The following GPC1 variants were observed in gnomAD, a reference collection of about 807,000 sequenced individuals.
GPC1 encodes the protein glypican 1, also known as glypican-1.
In GPC1, 26 loss-of-function variants were observed where a neutral mutation model predicts 51.5. The observed-to-expected ratio is 0.50, with a 90% CI of 0.37 to 0.70. The LOEUF (loss-of-function observed/expected upper bound fraction) is 0.70. GPC1 is among the 30% of genes least tolerant of loss of function. The probability of loss-of-function intolerance (pLI) is 0.00; values close to 1 mark genes in which losing one functional copy is unlikely to be tolerated. For synonymous variants in GPC1, 380 were observed against 348.3 expected, an observed-to-expected ratio of 1.09 and a Z score of -1.01; for missense variants, 775 against 800.5, an observed-to-expected ratio of 0.97 and a Z score of 0.38.
In GPC1 at chr2:240,466,243, C is replaced by T. The variant is rs2074260893; in HGVS notation, c.1630C>T (p.Leu544Phe). The T allele has an allele frequency of 1.2e-6, 2 of 1,611,486 alleles. No homozygotes were observed. Among genetic ancestry groups the T allele is most frequent in the East Asian group, 2.2e-5 (1 of 44,878 alleles). Reference protein sequence around the residue: ...CPQPPTFLLPLLLFLALTVAR... With the variant: ...CPQPPTFLLPFLLFLALTVAR... ...CCAGCCCCCGACCTTCCTCCTGCCCCTCCTCCTCTTCCTGGCCCTTACAGT... is the reference window on the plus strand; with the variant it reads ...CCAGCCCCCGACCTTCCTCCTGCCCTTCCTCCTCTTCCTGGCCCTTACAGT... The change falls in exon 9 of 9, where the codon CTC becomes TTC. Residue 544 changes from leucine (L) to phenylalanine (F), a missense_variant. Physicochemically the swap from Leu to Phe is conservative, Grantham distance 22. Coordinates refer to ENST00000264039, the MANE Select transcript of GPC1 (RefSeq NM_002081.3).
intron 1 of GPC1, among the ~76,000 whole-genome samples, chr2:240,445,491 C>T (rs897541528): frequency 1.3e-5 from 2 of 152,066 alleles, no homozygotes; most frequent in African/African-American, 4.8e-5. Context: ...GGCAGAACCA[C>T]GCCAGGGGAA....
chr2:240,453,705 G>A (rs1479534934), intron 1 of GPC1, among the ~76,000 whole-genome samples: 2 of 146,954 alleles, frequency 1.4e-5, no homozygotes, highest in Non-Finnish European at 3.0e-5. Flanking sequence ...TCGCCGGGCC[G>A]CCGGCGCTGC....
At chr2:240,449,719 C>T in intron 1 of GPC1, 2 of 413,482 alleles carry the variant, frequency 4.8e-6, no homozygotes, top group South Asian at 1.7e-5. Flanking sequence ...CATTTCCCCT[C>T]TCCACCGCCC....
In GPC1 at chr2:240,464,868, T is replaced by C; in HGVS notation, c.1027T>C (p.Cys343Arg). ...DTLTAKVIQG[C>R]GNPKVNPQGP... ...AGTGTCTCTCCAGGTCATCCAGGGC[T>C]GCGGGAACCCCAAGGTCAACCCCCA... Residue 343 changes from cysteine (C) to arginine (R), a missense_variant, in exon 6 of 9, where the codon TGC becomes CGC. Cys to Arg is a radical substitution (Grantham distance 180). Coordinates refer to ENST00000264039, the MANE Select transcript of GPC1 (RefSeq NM_002081.3). 1 of 1,555,664 alleles carries C rather than the reference T, an allele frequency of 6.4e-7. No individual in the cohort carries two copies. Among genetic ancestry groups the C allele is most frequent in the Non-Finnish European group, 8.7e-7 (1 of 1,149,188 alleles).
At chr2:240,454,700 C>G (rs949635471) in intron 1 of GPC1, 1 of 153,060 alleles carries the variant, frequency 6.5e-6, no homozygotes, top group Non-Finnish European at 1.5e-5. Flanking sequence ...CACTGAGTGT[C>G]TAGGACGAGG....
At chr2:240,446,643 C>G (rs2074052638) in intron 1 of GPC1, among the ~76,000 whole-genome samples, 1 of 152,224 alleles carries the variant, frequency 6.6e-6, no homozygotes, top group Non-Finnish European at 1.5e-5. Flanking sequence ...ATCTCTTGTC[C>G]TGTCCTCGGC....
At position 240,466,908 on chromosome 2, in the gene GPC1, G is replaced by A. The variant is rs973289914; in HGVS notation, c.*618G>A. The A allele has an allele frequency of 1.3e-5, 2 of 152,560 alleles. No individual in the cohort carries two copies. Among genetic ancestry groups the A allele is most frequent in the African/African-American group, 4.8e-5 (2 of 41,474 alleles). The allele number at this position is 152,560 out of a possible 1,614,324, so 9.5% of individuals were successfully genotyped here. A position where few individuals can be genotyped will look rare whatever the true frequency, so the allele number is the denominator to read the frequency against. On this transcript the variant is annotated 3_prime_UTR_variant, in exon 9 of 9. Coordinates refer to ENST00000264039, the MANE Select transcript of GPC1 (RefSeq NM_002081.3). ...GGGTGACGCCTGAGACAGCACCACT[G>A]CTGAGGAGTCTGAGGACTGTCCTCC...
At chr2:240,454,971 C>A in intron 1 of GPC1, 1 of 228,170 alleles carries the variant, frequency 4.4e-6, no homozygotes, top group Non-Finnish European at 9.8e-6. Context: ...CAAGAGGAAA[C>A]TGCGGGGTGG....
intron 1 of GPC1, among the ~76,000 whole-genome samples, chr2:240,441,408 C>T (rs1417226130): frequency 6.6e-6 from 1 of 152,190 alleles, no homozygotes; most frequent in African/African-American, 2.4e-5. Flanking sequence ...AGAGGCTGGA[C>T]GCCTTTTCTT....
intron 1 of GPC1, 77 bp from the exon 2 acceptor site, chr2:240,458,953 C>T (rs1041587831): frequency 2.8e-6 from 4 of 1,409,512 alleles, no homozygotes; most frequent in African/African-American, 2.8e-5. Context: ...CCATCCTGCC[C>T]AGGAGAGCCT....
At chr2:240,463,830 G>A in intron 4 of GPC1, 1 of 403,798 alleles carries the variant, frequency 2.5e-6, no homozygotes, top group Admixed American at 4.1e-5. Context: ...ACCGGCACTT[G>A]TTTAAGCTAA....
At chr2:240,459,872 T>A (rs1011562755) in intron 2 of GPC1, among the ~76,000 whole-genome samples, 18 of 152,174 alleles carry the variant, frequency 1.2e-4, no homozygotes, top group Admixed American at 1.1e-3. Context: ...TGACCTCTGA[T>A]CAGAAACACG....
chr2:240,442,830 C>T (rs1324183691), intron 1 of GPC1, among the ~76,000 whole-genome samples: 7 of 152,230 alleles, frequency 4.6e-5, no homozygotes, highest in African/African-American at 1.2e-4. Context: ...AGCACTGGGC[C>T]GTGTTTCTGT....
In GPC1 at chr2:240,448,701, C is replaced by A. The variant is rs1284228428; in HGVS notation, c.167-10329C>A. 6.6e-6 allele frequency among the ~76,000 whole-genome samples: 1 copy of A among 151,998 alleles called. No homozygotes were observed. The highest frequency in any genetic ancestry group is 1.5e-5 in the Non-Finnish European group (1 of 67,986). ...CTCAGAGTCTCCCTGGGCTGGGAGC[C>A]CTGGGCGTTCTCGGTGGTGGGCTGT... On this transcript the variant is annotated intron_variant, in intron 1 of 8. Transcript: ENST00000264039. This position sits in a 1 kb window ranked among gnomAD's most constrained non-coding sequence, Gnocchi z 4.5.
At chr2:240,436,844 T>G (rs2073987395) in intron 1 of GPC1, among the ~76,000 whole-genome samples, 1 of 152,236 alleles carries the variant, frequency 6.6e-6, no homozygotes, top group Non-Finnish European at 1.5e-5. Flanking sequence ...AGGGGCCGTG[T>G]CATTTCTTTG....
chr2:240,463,946 C>T (rs905808900), intron 4 of GPC1: 7 of 226,186 alleles, frequency 3.1e-5, no homozygotes, highest in Non-Finnish European at 6.1e-5. Context: ...TGCTCCTGGG[C>T]GCATGTGATG....
chr2:240,435,999 C>T lies in GPC1; in HGVS notation c.81C>T (p.Ser27=), dbSNP rs1318450445. 3.6e-6 allele frequency: 5 copies of T among 1,381,904 alleles called. No homozygotes were observed. In the South Asian group the frequency reaches 5.1e-5, roughly 14 times the overall value. The allele number at this position is 1,381,904 out of a possible 1,614,324, so 85.6% of individuals were successfully genotyped here. The change falls in exon 1 of 9, where the codon AGC becomes AGT. Residue 27 remains serine (S), a synonymous_variant. Transcript: ENST00000264039. The stretch of plus-strand genomic sequence containing the variant: ...CCTGCGCCCGCGGGGACCCGGCCAG[C>T]AAGAGCCGGAGCTGCGGCGAGGTCC... ...LVACARGDPA[S]KSRSCGEVRQ...
intron 1 of GPC1, among the ~76,000 whole-genome samples, chr2:240,438,779 T>G (rs73102036): frequency 0.022 from 3,292 of 152,286 alleles, 118 homozygotes; most frequent in African/African-American, 0.073. Flanking sequence ...TGAGACTTCC[T>G]TTGTCCTCTG....
chr2:240,463,582 G>T, intron 4 of GPC1, 70 bp downstream of exon 4: 1 of 1,388,118 alleles, frequency 7.2e-7, no homozygotes, highest in East Asian at 2.3e-5. Context: ...CCTGGGGGGC[G>T]GGTGGTCCCT....
Sources: gnomAD v4.1 joint callset for allele counts (sites outside exome capture counted in the v4.1 genomes callset) on GRCh38, gnomAD v4.1.1 for gene constraint, Gnocchi (gnomAD v3.1) non-coding constraint, MANE v1.5 for transcripts, NCBI Gene and HGNC (gene_info 2026-07-23, HGNC 2026-07-21) for gene names.